The following CNTN6 variants were observed in gnomAD, a reference collection of about 807,000 sequenced individuals.
CNTN6 encodes the protein contactin 6.
In CNTN6, 137 loss-of-function variants were observed where a neutral mutation model predicts 122.8. The ratio of observed to expected loss-of-function variants is 1.12; its 90% CI spans 0.97 to 1.29. The LOEUF is 1.29. Among genes scored for constraint, CNTN6 ranks in the 50% most tolerant of loss-of-function variants. The pLI is 0.00. For missense variants in CNTN6, 1,634 were observed against 1,223.4 expected (o/e 1.34, Z -5.01); for synonymous variants, 570 against 426.0 (o/e 1.34, Z -4.16).
At chr3:1,340,297 A>T (rs1703698268) in intron 11 of CNTN6, among the ~76,000 whole-genome samples, 1 of 152,176 alleles carries the variant, frequency 6.6e-6, no homozygotes, top group South Asian at 2.1e-4. Context: ...TACTAAAAAA[A>T]TCTTCTGAAA....
intron 4 of CNTN6, among the ~76,000 whole-genome samples, chr3:1,240,287 A>G: frequency 6.6e-6 from 1 of 152,324 alleles, no homozygotes; most frequent in Non-Finnish European, 1.5e-5. Flanking sequence ...CGAATGACTG[A>G]TATCGAGAAT....
intron 4 of CNTN6, among the ~76,000 whole-genome samples, chr3:1,254,972 G>A (rs1202077109): frequency 1.3e-5 from 2 of 152,006 alleles, no homozygotes; most frequent in African/African-American, 2.4e-5. Flanking sequence ...ATGCAGTTAC[G>A]TTAATCTTGC....
chr3:1,222,155 G>T (rs1357293022), intron 3 of CNTN6, among the ~76,000 whole-genome samples: 1 of 152,146 alleles, frequency 6.6e-6, no homozygotes, highest in African/African-American at 2.4e-5. Context: ...AAGCTTCCTT[G>T]TCTTTATCAT....
chr3:1,292,507 T>C (rs1372459386), intron 5 of CNTN6, among the ~76,000 whole-genome samples: 2 of 152,166 alleles, frequency 1.3e-5, no homozygotes, highest in Non-Finnish European at 2.9e-5. Context: ...CTGGCTCAGA[T>C]AGAATAAATA....
At chr3:1,146,596 C>T (rs1376687292) in intron 1 of CNTN6, among the ~76,000 whole-genome samples, 3 of 151,896 alleles carry the variant, frequency 2.0e-5, no homozygotes, top group Admixed American at 6.6e-5. Flanking sequence ...TTCCTGTGTG[C>T]GTAAGGTTTT....
At chr3:1,265,094 T>C (rs938397121) in intron 4 of CNTN6, among the ~76,000 whole-genome samples, 1 of 150,536 alleles carries the variant, frequency 6.6e-6, no homozygotes, top group African/African-American at 2.4e-5. Context: ...TTATTGTGTA[T>C]ATATGCCACA....
rs570668626 is a variant in CNTN6, at chr3:1,387,190, G to A, written c.2704+1393G>A. On this transcript the variant is annotated intron_variant, in intron 20 of 22. Transcript: ENST00000446702. ...CACAAACAAGGTACTGATTCTGGAA[G>A]CATCTTAGAAAATACAAAGTGCTGT... Among the ~76,000 whole-genome samples, 5 of 152,290 alleles carry A rather than the reference G, an allele frequency of 3.3e-5. No individual in the cohort carries two copies. The East Asian group carries it at 9.7e-4, about 29-fold the overall frequency.
chr3:1,135,439 G>A (rs2092447849), intron 1 of CNTN6, among the ~76,000 whole-genome samples: 1 of 152,110 alleles, frequency 6.6e-6, no homozygotes, highest in African/African-American at 2.4e-5. Flanking sequence ...GAAACAGAAT[G>A]GAATCAGTGT....
At chr3:1,324,363 T>G (rs1315828419) in intron 8 of CNTN6, among the ~76,000 whole-genome samples, 1 of 149,784 alleles carries the variant, frequency 6.7e-6, no homozygotes, top group Non-Finnish European at 1.5e-5. Flanking sequence ...CGGCCCTGCT[T>G]CTTACTTCAG....
At chr3:1,315,961 CAT>C (rs1470177763) in intron 7 of CNTN6, among the ~76,000 whole-genome samples, 1 of 151,918 alleles carries the variant, frequency 6.6e-6, no homozygotes, top group Non-Finnish European at 1.5e-5. Flanking sequence ...AATGCGTAGT[CAT>C]ATGGATCCCT....
chr3:1,323,671 A>G (rs1701162431), intron 8 of CNTN6, among the ~76,000 whole-genome samples: 1 of 151,774 alleles, frequency 6.6e-6, no homozygotes. Flanking sequence ...TCTAAAAGAA[A>G]TCTCTAAAGT....
intron 7 of CNTN6, among the ~76,000 whole-genome samples, chr3:1,302,933 C>G (rs926123100): frequency 6.2e-5 from 5 of 80,296 alleles, no homozygotes; most frequent in Non-Finnish European, 1.2e-4. Flanking sequence ...AGTTCTTAAT[C>G]TTTTTAAAAT....
intron 7 of CNTN6, among the ~76,000 whole-genome samples, chr3:1,314,986 G>T (rs1255587667): frequency 6.6e-6 from 1 of 151,914 alleles, no homozygotes; most frequent in African/African-American, 2.4e-5. Flanking sequence ...ATTGAGATTT[G>T]CATCCAAGCT....
intron 1 of CNTN6, among the ~76,000 whole-genome samples, chr3:1,108,099 A>C (rs2091310857): frequency 6.6e-6 from 1 of 152,098 alleles, no homozygotes; most frequent in Non-Finnish European, 1.5e-5. Context: ...TCTAATAAAA[A>C]AATTTAATCC....
intron 4 of CNTN6, among the ~76,000 whole-genome samples, chr3:1,265,044 C>CTTTTTTTTTTTTTTTTTTTT (rs201949693): frequency 9.9e-6 from 1 of 100,776 alleles, no homozygotes; most frequent in African/African-American, 3.8e-5. Flanking sequence ...ACCGAATTTC[C>CTTTTTTTTTTTTTTTTTTTT]TTTTTTTTTT....
chr3:1,310,196 C>A (rs540221496), intron 7 of CNTN6, among the ~76,000 whole-genome samples: 1 of 152,002 alleles, frequency 6.6e-6, no homozygotes, highest in Non-Finnish European at 1.5e-5. Flanking sequence ...TGCCTTTTTC[C>A]GCTATCCAAA....
intron 2 of CNTN6, among the ~76,000 whole-genome samples, chr3:1,183,853 G>T (rs1330924882): frequency 6.6e-6 from 1 of 152,058 alleles, no homozygotes; most frequent in Non-Finnish European, 1.5e-5. Flanking sequence ...ACAACCAAGG[G>T]GTCACTCATG....
intron 2 of CNTN6, among the ~76,000 whole-genome samples, chr3:1,219,217 A>T (rs1327436422): frequency 6.6e-6 from 1 of 152,236 alleles, no homozygotes; most frequent in Admixed American, 6.5e-5. Context: ...TATACTGGAG[A>T]AGTCTGACAG....
At chr3:1,248,743 C>T (rs939068164) in intron 4 of CNTN6, among the ~76,000 whole-genome samples, 3 of 152,042 alleles carry the variant, frequency 2.0e-5, no homozygotes, top group African/African-American at 7.2e-5. Context: ...TCGCTTGAAC[C>T]CGAGAGGCGG....
Sources: gnomAD v4.1 joint callset for allele counts (sites outside exome capture counted in the v4.1 genomes callset) on GRCh38, gnomAD v4.1.1 for gene constraint, MANE v1.5 for transcripts, NCBI Gene and HGNC (gene_info 2026-07-23, HGNC 2026-07-21) for gene names.